The following PRKAR1B variants were observed in gnomAD, a reference collection of about 807,000 sequenced individuals.
The protein encoded by PRKAR1B is protein kinase cAMP-dependent type I regulatory subunit beta.
A neutral mutation model predicts 46.5 loss-of-function variants in PRKAR1B; 22 were observed. The ratio of observed to expected loss-of-function variants is 0.47; its 90% CI spans 0.34 to 0.68. The LOEUF is 0.68. PRKAR1B is among the 30% of genes least tolerant of loss of function. The pLI, the probability that PRKAR1B is intolerant of heterozygous loss-of-function variation, is 0.01. For synonymous variants in PRKAR1B, 259 were observed against 217.7 expected (o/e 1.19, Z -1.67); for missense variants, 445 against 535.6 (o/e 0.83, Z 1.67).
At chr7:639,960 T>A (rs955591890) in intron 4 of PRKAR1B, among the ~76,000 whole-genome samples, 1 of 151,588 alleles carries the variant, frequency 6.6e-6, no homozygotes, top group Non-Finnish European at 1.5e-5. Context: ...GTCAGGAGTT[T>A]GAGACCAGCC....
intron 4 of PRKAR1B, among the ~76,000 whole-genome samples, chr7:617,771 C>CA (rs1782910581): frequency 1.3e-5 from 2 of 152,336 alleles, no homozygotes; most frequent in Admixed American, 1.3e-4. Flanking sequence ...AGGCCCCTCC[C>CA]GGAGCAGAGC....
intron 4 of PRKAR1B, among the ~76,000 whole-genome samples, chr7:616,198 A>C (rs1015502460): frequency 6.6e-5 from 10 of 152,292 alleles, no homozygotes; most frequent in African/African-American, 9.6e-5. Flanking sequence ...TCCTCGCCCC[A>C]GGTCCTGGCC....
chr7:727,188 C>G, intron 1 of PRKAR1B, 22 bp downstream of exon 1: 1 of 1,342,754 alleles, frequency 7.4e-7, no homozygotes, highest in South Asian at 1.7e-5. Context: ...TGGACCTGTG[C>G]GGCGCCGCGC....
rs913198384 is a variant in PRKAR1B, at chr7:591,170, C to T, written c.708+4976G>A. Reference sequence around the variant, plus strand: ...GGTGACAGCTGAAGGCTGCCAGGGGCCCCCGGGGGAGGGCCCGGCCCCAAA... The same window carrying T: ...GGTGACAGCTGAAGGCTGCCAGGGGTCCCCGGGGGAGGGCCCGGCCCCAAA... On this transcript the variant is annotated intron_variant, in intron 7 of 10. Transcript: ENST00000537384. Among the ~76,000 whole-genome samples, 6 of 152,226 alleles carry T rather than the reference C, an allele frequency of 3.9e-5. No homozygotes were observed. In the East Asian group the frequency reaches 7.7e-4, roughly 20 times the overall value.
intron 4 of PRKAR1B, among the ~76,000 whole-genome samples, chr7:634,158 G>A (rs975955947): frequency 6.6e-6 from 1 of 152,118 alleles, no homozygotes. Flanking sequence ...CAGTAGCTAG[G>A]ATTACAGGCG....
intron 4 of PRKAR1B, among the ~76,000 whole-genome samples, chr7:643,811 T>A (rs192527877): frequency 6.6e-6 from 1 of 151,916 alleles, no homozygotes; most frequent in East Asian, 1.9e-4. Context: ...GGCGGCCATG[T>A]TGTGAGGGAG....
chr7:578,978 G>A (rs563509058), intron 9 of PRKAR1B: 92 of 1,260,236 alleles, frequency 7.3e-5, no homozygotes, highest in South Asian at 1.1e-4. Flanking sequence ...CGCCGCGCCC[G>A]GCCAGTTTCA....
At chr7:557,675 C>T (rs546171112) in intron 9 of PRKAR1B, among the ~76,000 whole-genome samples, 3 of 152,174 alleles carry the variant, frequency 2.0e-5, no homozygotes, top group African/African-American at 7.2e-5. Context: ...CCTCAGTTTC[C>T]GGGAGGCCCA....
chr7:689,112 G>GA (rs113646546), intron 2 of PRKAR1B, among the ~76,000 whole-genome samples: 3 of 151,054 alleles, frequency 2.0e-5, no homozygotes, highest in Admixed American at 6.6e-5. Context: ...GAACTAAAAA[G>GA]AAAAAAAAAT....
chr7:656,340 CATGGGTGAATGT>C (rs2128492340), intron 4 of PRKAR1B, among the ~76,000 whole-genome samples: 1 of 151,624 alleles, frequency 6.6e-6, no homozygotes, highest in East Asian at 2.0e-4. Context: ...ATGGATGATG[CATGGGTGAATGT>C]ATGGATGCAT....
At chr7:641,484 G>GA (rs1372945805) in intron 4 of PRKAR1B, among the ~76,000 whole-genome samples, 55 of 152,242 alleles carry the variant, frequency 3.6e-4, no homozygotes, top group Admixed American at 3.5e-3. Context: ...GCTCCAAAGC[G>GA]AAAACAACCC....
At chr7:585,307 G>A (rs140397433) in intron 7 of PRKAR1B, among the ~76,000 whole-genome samples, 193 of 152,238 alleles carry the variant, frequency 1.3e-3, no homozygotes, top group African/African-American at 4.3e-3. Context: ...AGCAGCCTGG[G>A]TCTCAGCCCC....
chr7:702,350 A>C (rs566326579), intron 2 of PRKAR1B, among the ~76,000 whole-genome samples: 118 of 152,322 alleles, frequency 7.7e-4, no homozygotes, highest in African/African-American at 2.7e-3. Context: ...TAAATGGTAG[A>C]CCTAAATCCA....
intron 9 of PRKAR1B, among the ~76,000 whole-genome samples, chr7:577,702 G>A (rs1469758333): frequency 1.3e-5 from 2 of 152,226 alleles, no homozygotes; most frequent in East Asian, 3.9e-4. Flanking sequence ...AGATCGCCGG[G>A]CAGGCCACAG....
Position 550,320 on chromosome 7 carries a change from C to A in PRKAR1B, c.*110G>T, listed in dbSNP as rs1048708668. The A allele has an allele frequency of 1.2e-5, 12 of 981,468 alleles. No homozygotes were observed. The highest frequency in any genetic ancestry group is 4.9e-5 in the African/African-American group (3 of 61,570). 60.8% of individuals were successfully genotyped at this position (981,468 alleles called of 1,614,324 possible). A position where few individuals can be genotyped will look rare whatever the true frequency, so the allele number is the denominator to read the frequency against. On this transcript the variant is annotated 3_prime_UTR_variant, in exon 11 of 11. Coordinates refer to ENST00000537384, the MANE Select transcript of PRKAR1B (RefSeq NM_001164760.2). ...GGGGCAGTCCTCACGCTGCCGGGAC[C>A]CAGCCCCACCCGGCCCACACCTCAC...
intron 9 of PRKAR1B, among the ~76,000 whole-genome samples, chr7:568,675 G>A (rs191856269): frequency 5.5e-4 from 83 of 152,198 alleles, no homozygotes; most frequent in African/African-American, 2.0e-3. Flanking sequence ...GGACGACCGT[G>A]GGGTGCTGCA....
intron 7 of PRKAR1B, among the ~76,000 whole-genome samples, chr7:585,998 A>G (rs565022183): frequency 1.3e-5 from 2 of 152,288 alleles, no homozygotes; most frequent in East Asian, 3.9e-4. Context: ...GGGCACGCAG[A>G]CACAGTGGCA....
chr7:636,443 CTCACGTCCTCCACCGG>C (rs1784109860), intron 4 of PRKAR1B, among the ~76,000 whole-genome samples: 1 of 91,496 alleles, frequency 1.1e-5, no homozygotes, highest in African/African-American at 3.8e-5. Flanking sequence ...CGGCCGCGCC[CTCACGTCCTCCACCGG>C]ACTGTGCCCA....
At chr7:675,636 C>A (rs1034829165) in intron 4 of PRKAR1B, among the ~76,000 whole-genome samples, 1 of 152,116 alleles carries the variant, frequency 6.6e-6, no homozygotes, top group African/African-American at 2.4e-5. Context: ...ACAAGGATGA[C>A]CACCCAATGT....
Sources: allele counts gnomAD v4.1 joint callset (sites outside exome capture counted in the v4.1 genomes callset), GRCh38; gene constraint gnomAD v4.1.1; transcripts MANE v1.5; gene names NCBI Gene and HGNC (gene_info 2026-07-23, HGNC 2026-07-21).